Variants in WWOX observed in about 807,000 individuals in gnomAD.
WWOX encodes the protein WW domain containing oxidoreductase, also known as WW domain-containing oxidoreductase.
Under a neutral mutation model 46.2 loss-of-function variants are expected in WWOX, and 69 were observed. That is an observed-to-expected ratio of 1.49 (90% CI 1.23 to 1.82). WWOX has a LOEUF of 1.82. Among genes scored for constraint, WWOX ranks in the 40% most tolerant of loss-of-function variants. WWOX has a pLI of 0.00. For synonymous variants in WWOX, 359 were observed against 202.6 expected (o/e 1.77, Z -6.56); for missense variants, 919 against 542.6 (o/e 1.69, Z -6.89).
chr16:79,159,516 G>C (rs1292982903), intron 8 of WWOX, among the ~76,000 whole-genome samples: 5 of 152,058 alleles, frequency 3.3e-5, no homozygotes, highest in African/African-American at 9.7e-5. Context: ...TTATATTTGA[G>C]ACTTGTACAC....
chr16:79,048,818 C>G (rs1031335850), intron 8 of WWOX, among the ~76,000 whole-genome samples: 8 of 152,164 alleles, frequency 5.3e-5, no homozygotes, highest in Non-Finnish European at 1.0e-4. Flanking sequence ...ACACAGTGGT[C>G]ACCAGCATTG....
intron 8 of WWOX, among the ~76,000 whole-genome samples, chr16:78,787,513 T>A (rs2050487401): frequency 6.6e-6 from 1 of 152,236 alleles, no homozygotes; most frequent in Admixed American, 6.5e-5. Context: ...CTTTTTATGG[T>A]TGAGTGATAT....
At chr16:78,510,549 A>G (rs1209518495) in intron 8 of WWOX, among the ~76,000 whole-genome samples, 2 of 152,172 alleles carry the variant, frequency 1.3e-5, no homozygotes, top group African/African-American at 2.4e-5. Flanking sequence ...GTATCAAGCA[A>G]TACTTACATG....
intron 6 of WWOX, among the ~76,000 whole-genome samples, chr16:78,387,909 A>G (rs141530865): frequency 9.3e-4 from 141 of 152,196 alleles, no homozygotes; most frequent in African/African-American, 3.3e-3. Context: ...ATAAATGACA[A>G]GCTGCCTTTG....
rs532573210 is a variant in WWOX at position 79,209,781 on chromosome 16, T to G, written c.1057-1827T>G. ...CACTTCTGCTTCCCTTTTCCCCACATGGGATGCAGAAGAGCCAGATAAACC... is the reference window on the plus strand; with the variant it reads ...CACTTCTGCTTCCCTTTTCCCCACAGGGGATGCAGAAGAGCCAGATAAACC... On this transcript the variant is annotated intron_variant, in intron 8 of 8. Coordinates refer to ENST00000566780, the MANE Select transcript of WWOX (RefSeq NM_016373.4). Among the ~76,000 whole-genome samples the G allele has an allele frequency of 5.9e-5, 9 of 152,248 alleles. No homozygotes were observed. In the East Asian group the frequency reaches 1.7e-3, roughly 29 times the overall value.
At chr16:78,858,702 T>C (rs1023102044) in intron 8 of WWOX, among the ~76,000 whole-genome samples, 2 of 152,004 alleles carry the variant, frequency 1.3e-5, no homozygotes, top group African/African-American at 2.4e-5. Context: ...TTTTTTGAGA[T>C]AGTGTCTTAC....
chr16:78,151,634 C>T (rs1216191046), intron 4 of WWOX, among the ~76,000 whole-genome samples: 3 of 152,078 alleles, frequency 2.0e-5, no homozygotes, highest in Non-Finnish European at 4.4e-5. Flanking sequence ...TCTCACTTGC[C>T]TTGATTGCTC....
At chr16:78,301,968 T>C (rs1290150848) in intron 5 of WWOX, among the ~76,000 whole-genome samples, 1 of 151,874 alleles carries the variant, frequency 6.6e-6, no homozygotes, top group African/African-American at 2.4e-5. Context: ...GTTTTTTTTT[T>C]TTTTCTTTTT....
intron 5 of WWOX, among the ~76,000 whole-genome samples, chr16:78,254,165 G>T (rs2038061152): frequency 6.6e-6 from 1 of 151,938 alleles, no homozygotes; most frequent in African/African-American, 2.4e-5. Flanking sequence ...TAACCTCCCA[G>T]GCTCAAGCGA....
chr16:78,889,547 G>A (rs1209741819), intron 8 of WWOX, among the ~76,000 whole-genome samples: 1 of 152,058 alleles, frequency 6.6e-6, no homozygotes, highest in Non-Finnish European at 1.5e-5. Context: ...ATAAGTATTG[G>A]CCTGTGTCCA....
At chr16:78,279,570 T>G (rs2079639989) in intron 5 of WWOX, among the ~76,000 whole-genome samples, 2 of 152,324 alleles carry the variant, frequency 1.3e-5, no homozygotes, top group South Asian at 4.1e-4. Context: ...AGTTAAATGC[T>G]ATATGGAAGC....
chr16:78,389,930 T>C (rs2082144688), intron 6 of WWOX, among the ~76,000 whole-genome samples: 1 of 152,108 alleles, frequency 6.6e-6, no homozygotes, highest in African/African-American at 2.4e-5. Context: ...TTGTATTTTC[T>C]GTAGAGATGA....
At chr16:78,552,971 G>C (rs1165046918) in intron 8 of WWOX, 1 of 152,300 alleles carries the variant, frequency 6.6e-6, no homozygotes, top group East Asian at 1.9e-4. Flanking sequence ...GAGAGGGGGA[G>C]AACTGTCAAG....
intron 8 of WWOX, among the ~76,000 whole-genome samples, chr16:78,867,426 C>G (rs992602595): frequency 3.3e-5 from 5 of 151,730 alleles, no homozygotes; most frequent in African/African-American, 4.8e-5. Flanking sequence ...TAATCTAGAG[C>G]TATTATAGTT....
intron 5 of WWOX, among the ~76,000 whole-genome samples, chr16:78,304,159 C>G (rs919825113): frequency 6.6e-5 from 10 of 152,192 alleles, no homozygotes; most frequent in African/African-American, 9.7e-5. Context: ...GCCTCTTCTC[C>G]CGATCAGCTG....
chr16:78,461,589 G>C (rs1888869292), intron 8 of WWOX, among the ~76,000 whole-genome samples: 1 of 152,182 alleles, frequency 6.6e-6, no homozygotes, highest in South Asian at 2.1e-4. Context: ...AGGCAGCCAG[G>C]AGCTGCTGTT....
At position 78,289,583 on chromosome 16, in the gene WWOX, A is replaced by G. The variant is rs183626930; in HGVS notation, c.517-97277A>G. Among the ~76,000 whole-genome samples the G allele has an allele frequency of 2.4e-3, 365 of 151,136 alleles. 1 individual carries two copies. Among genetic ancestry groups the G allele is most frequent in the South Asian group, 0.016 (76 of 4,824 alleles). On this transcript the variant is annotated intron_variant, in intron 5 of 8. Coordinates refer to ENST00000566780, the MANE Select transcript of WWOX (RefSeq NM_016373.4). The stretch of plus-strand genomic sequence containing the variant: ...CCGCTGTCCTGCTGTGACCAGTAAC[A>G]GGGGAAAAAAATAAAACTCCCCTAA...
intron 8 of WWOX, among the ~76,000 whole-genome samples, chr16:78,465,758 A>T (rs573327094): frequency 6.6e-6 from 1 of 152,214 alleles, no homozygotes; most frequent in Non-Finnish European, 1.5e-5. Context: ...CCAGTAGTGT[A>T]ATCACCTTAT....
At chr16:78,699,779 A>T (rs544339382) in intron 8 of WWOX, among the ~76,000 whole-genome samples, 1 of 152,240 alleles carries the variant, frequency 6.6e-6, no homozygotes, top group Non-Finnish European at 1.5e-5. Flanking sequence ...GGCCAACTCT[A>T]AATCACCTTT....
Sources: gnomAD v4.1 joint callset for allele counts (sites outside exome capture counted in the v4.1 genomes callset) on GRCh38, gnomAD v4.1.1 for gene constraint, MANE v1.5 for transcripts, NCBI Gene and HGNC (gene_info 2026-07-23, HGNC 2026-07-21) for gene names.